SLC35F1: variants seen among roughly 807,000 people sequenced by gnomAD.
SLC35F1 encodes the protein chromosome 6 open reading frame 169.
Under a neutral mutation model 48.7 loss-of-function variants are expected in SLC35F1, and 14 were observed. The ratio of observed to expected loss-of-function variants is 0.29; its 90% confidence interval spans 0.19 to 0.45. The LOEUF (loss-of-function observed/expected upper bound fraction) is 0.45, where lower values mean the gene tolerates loss of function less well. Among genes scored for constraint, SLC35F1 ranks in the 20% least tolerant of loss-of-function variants. The pLI, the probability that SLC35F1 is intolerant of heterozygous loss-of-function variation, is 1.00. For synonymous variants in SLC35F1, 190 were observed against 202.2 expected (o/e 0.94, Z 0.51); for missense variants, 404 against 500.0 (o/e 0.81, Z 1.83).
At chr6:118,047,877 T>A (rs2114907196) in intron 1 of SLC35F1, among the ~76,000 whole-genome samples, 1 of 152,276 alleles carries the variant, frequency 6.6e-6, no homozygotes, top group Admixed American at 6.5e-5. Context: ...CTTTATTTCC[T>A]TCTCCTGCCT....
At chr6:118,037,665 T>G (rs1305923480) in intron 1 of SLC35F1, among the ~76,000 whole-genome samples, 2 of 152,104 alleles carry the variant, frequency 1.3e-5, no homozygotes, top group East Asian at 3.9e-4. Flanking sequence ...GTGGTACGTA[T>G]ACACCATGGA....
intron 1 of SLC35F1, among the ~76,000 whole-genome samples, chr6:118,094,580 CAGA>C (rs949734313): frequency 1.3e-5 from 2 of 152,030 alleles, no homozygotes; most frequent in Non-Finnish European, 2.9e-5. Context: ...ACAGAGAATG[CAGA>C]AGAAGAGTAT....
chr6:118,137,825 A>G (rs779813575), intron 1 of SLC35F1, among the ~76,000 whole-genome samples: 3 of 152,108 alleles, frequency 2.0e-5, no homozygotes, highest in Non-Finnish European at 2.9e-5. Flanking sequence ...AGAACCTACC[A>G]TAGTCTTGGG....
intron 2 of SLC35F1, among the ~76,000 whole-genome samples, chr6:118,205,731 G>T: frequency 6.6e-6 from 1 of 152,150 alleles, no homozygotes; most frequent in East Asian, 1.9e-4. Context: ...AGCCAAAGGT[G>T]GAAACAAGTG....
chr6:118,016,612 A>T (rs769693148), intron 1 of SLC35F1, among the ~76,000 whole-genome samples: 15 of 152,152 alleles, frequency 9.9e-5, no homozygotes, highest in South Asian at 6.2e-4. Context: ...TTGTTCAGGA[A>T]CTTTTATTTT....
intron 4 of SLC35F1, among the ~76,000 whole-genome samples, chr6:118,274,430 C>T (rs112405454): frequency 8.5e-5 from 13 of 152,188 alleles, no homozygotes; most frequent in Middle Eastern, 3.4e-3. Flanking sequence ...CAGAATGTCA[C>T]GCTTCCCCCA....
intron 1 of SLC35F1, among the ~76,000 whole-genome samples, chr6:118,014,105 A>G (rs1401481183): frequency 6.6e-6 from 1 of 152,240 alleles, no homozygotes; most frequent in African/African-American, 2.4e-5. Flanking sequence ...CAGGCAAGTT[A>G]GTTGACCTCT....
At chr6:118,231,113 A>G (rs1424268834) in intron 2 of SLC35F1, among the ~76,000 whole-genome samples, 1 of 152,224 alleles carries the variant, frequency 6.6e-6, no homozygotes, top group Non-Finnish European at 1.5e-5. Flanking sequence ...TTCTTTCTCA[A>G]AAAATAAAGA....
intron 1 of SLC35F1, among the ~76,000 whole-genome samples, chr6:117,916,641 G>A (rs955610051): frequency 6.6e-6 from 1 of 152,240 alleles, no homozygotes; most frequent in Non-Finnish European, 1.5e-5. Context: ...CCTGGAATGT[G>A]AGGCAGGGAA....
intron 7 of SLC35F1, among the ~76,000 whole-genome samples, chr6:118,290,576 G>T (rs1304284066): frequency 6.6e-6 from 1 of 150,610 alleles, no homozygotes. Flanking sequence ...AAATTTATTT[G>T]CCTTAAAGAG....
intron 2 of SLC35F1, among the ~76,000 whole-genome samples, chr6:118,222,241 G>A (rs566057495): frequency 6.6e-6 from 1 of 152,110 alleles, no homozygotes; most frequent in Non-Finnish European, 1.5e-5. Context: ...TGCTTTTGCT[G>A]CCATTCGACA....
At chr6:118,293,715 G>A (rs1351201736) in intron 7 of SLC35F1, among the ~76,000 whole-genome samples, 1 of 152,170 alleles carries the variant, frequency 6.6e-6, no homozygotes, top group Non-Finnish European at 1.5e-5. Flanking sequence ...GGACAATGAC[G>A]ACACATTCTC....
chr6:118,308,130 A>G (rs1776333814), intron 7 of SLC35F1, among the ~76,000 whole-genome samples: 1 of 152,210 alleles, frequency 6.6e-6, no homozygotes, highest in South Asian at 2.1e-4. Context: ...AATTCACGTT[A>G]CTTTCATTTA....
intron 1 of SLC35F1, among the ~76,000 whole-genome samples, chr6:118,063,248 C>A (rs1288182105): frequency 6.6e-6 from 1 of 152,058 alleles, no homozygotes; most frequent in East Asian, 1.9e-4. Context: ...GAGTAAGATT[C>A]ATCACTTCAT....
intron 1 of SLC35F1, among the ~76,000 whole-genome samples, chr6:117,937,161 T>C (rs1776172155): frequency 6.6e-6 from 1 of 152,060 alleles, no homozygotes; most frequent in South Asian, 2.1e-4. Flanking sequence ...AGTAGTAGAG[T>C]TGGGGTCTGA....
intron 1 of SLC35F1, among the ~76,000 whole-genome samples, chr6:118,081,727 T>A (rs529307071): frequency 1.3e-4 from 20 of 152,242 alleles, no homozygotes; most frequent in Non-Finnish European, 2.4e-4. Context: ...CAGAGTGATG[T>A]GCTCAGTACA....
chr6:118,012,325 GGA>G (rs1491318891), intron 1 of SLC35F1, among the ~76,000 whole-genome samples: 121 of 118,086 alleles, frequency 1.0e-3, no homozygotes, highest in Middle Eastern at 4.3e-3. Context: ...CAATAAATGG[GGA>G]AAAAAAAAAA....
At chr6:118,179,339 A>C (rs540465547) in intron 2 of SLC35F1, among the ~76,000 whole-genome samples, 1 of 152,254 alleles carries the variant, frequency 6.6e-6, no homozygotes, top group South Asian at 2.1e-4. Context: ...CTGTTGGTGT[A>C]AGTCTCTTCA....
chr6:118,148,512 T>A (rs144333484), intron 1 of SLC35F1, among the ~76,000 whole-genome samples: 89 of 152,328 alleles, frequency 5.8e-4, no homozygotes, highest in African/African-American at 2.1e-3. Context: ...ATACAAGCTC[T>A]ATTATAACAG....
Sources: gnomAD v4.1 joint callset for allele counts (sites outside exome capture counted in the v4.1 genomes callset) on GRCh38, gnomAD v4.1.1 for gene constraint, MANE v1.5 for transcripts, NCBI Gene and HGNC (gene_info 2026-07-23, HGNC 2026-07-21) for gene names.